The following DNAH14 variants were observed in gnomAD, a reference collection of about 807,000 sequenced individuals.
The protein encoded by DNAH14 is dynein axonemal heavy chain 14.
Under a neutral mutation model 520.9 loss-of-function variants are expected in DNAH14, and 478 were observed. The ratio of observed to expected loss-of-function variants is 0.92; its 90% CI spans 0.85 to 0.99. The LOEUF (loss-of-function observed/expected upper bound fraction) is 0.99. DNAH14 is among the 50% of genes least tolerant of loss of function. The probability of loss-of-function intolerance (pLI) is 0.00; values close to 1 mark genes in which losing one functional copy is unlikely to be tolerated. For synonymous variants in DNAH14, 1,581 were observed against 1,757.2 expected (o/e 0.90, Z 2.51); for missense variants, 4,831 against 5,234.5 (o/e 0.92, Z 2.38).
chr1:225,276,774 G>A (rs1189610677), intron 53 of DNAH14, among the ~76,000 whole-genome samples: 1 of 150,450 alleles, frequency 6.6e-6, no homozygotes, highest in Non-Finnish European at 1.5e-5. Flanking sequence ...TAATTAATCA[G>A]GCATTGTGGT....
At chr1:225,260,245 G>A (rs929170768) in intron 46 of DNAH14, among the ~76,000 whole-genome samples, 48 of 151,948 alleles carry the variant, frequency 3.2e-4, no homozygotes, top group African/African-American at 6.3e-4. Flanking sequence ...CCAGCTACTC[G>A]GAAGACTGAG....
chr1:225,062,302 A>AAGAG (rs891182001), intron 17 of DNAH14, among the ~76,000 whole-genome samples: 1 of 151,158 alleles, frequency 6.6e-6, no homozygotes, highest in South Asian at 2.1e-4. Context: ...GTATCTCAAA[A>AAGAG]AGAGAGAGAG....
At chr1:225,114,201 G>A (rs1455241856) in intron 23 of DNAH14, among the ~76,000 whole-genome samples, 1 of 152,184 alleles carries the variant, frequency 6.6e-6, no homozygotes, top group Non-Finnish European at 1.5e-5. Context: ...GTTAGCAGGT[G>A]ATGAATCCTG....
chr1:225,353,599 T>C (rs2095396074), intron 72 of DNAH14, among the ~76,000 whole-genome samples: 1 of 152,104 alleles, frequency 6.6e-6, no homozygotes, highest in African/African-American at 2.4e-5. Flanking sequence ...CTTAAATCTA[T>C]CTTAACATCT....
intron 27 of DNAH14, among the ~76,000 whole-genome samples, chr1:225,127,074 A>G (rs1220828547): frequency 7.3e-5 from 11 of 151,416 alleles, no homozygotes; most frequent in Non-Finnish European, 1.0e-4. Context: ...TCTGAGAGAC[A>G]GTTTGTTATA....
intron 66 of DNAH14, among the ~76,000 whole-genome samples, chr1:225,335,136 TG>T (rs2094901452): frequency 7.9e-6 from 1 of 127,188 alleles, no homozygotes; most frequent in South Asian, 2.3e-4. Flanking sequence ...CATATGTGCA[TG>T]TGCACATGTG....
chr1:224,944,390 C>T (rs1006802160), intron 1 of DNAH14, among the ~76,000 whole-genome samples: 3 of 152,200 alleles, frequency 2.0e-5, no homozygotes, highest in Non-Finnish European at 4.4e-5. Flanking sequence ...TGTGTCTCTG[C>T]ACGTGAGATG....
chr1:225,023,667 A>G lies in DNAH14; in HGVS notation c.1160A>G (p.Asp387Gly). 2.6e-6 allele frequency: 4 copies of G among 1,548,644 alleles called. No individual in the cohort carries two copies. The highest frequency in any genetic ancestry group is 3.5e-6 in the Non-Finnish European group (4 of 1,145,220). ...KEYFESKLSE[D>G]DTTHFKLPKY... ...TATTTTGAGTCAAAACTCTCTGAAG[A>G]TGACACAACACATTTCAAGCTGCCT... is the stretch of plus-strand genomic sequence containing the variant. Residue 387 changes from aspartate to glycine, a missense_variant, in exon 11 of 86, where the codon GAT (aspartate) becomes GGT (glycine). Physicochemically the swap from Asp to Gly is moderately conservative, Grantham distance 94 (BLOSUM62 -1). Coordinates refer to ENST00000682510, the MANE Select transcript of DNAH14 (RefSeq NM_001367479.1).
In DNAH14 at chr1:225,367,966, T is replaced by C. The variant is rs2095573769; in HGVS notation, c.12252T>C (p.Asn4084=). 1.3e-6 allele frequency: 2 copies of C among 1,551,354 alleles called. No individual in the cohort carries two copies. The highest frequency in any genetic ancestry group is 2.0e-5 in the Admixed American group (1 of 50,966). The change falls in exon 77 of 86, where the codon AAT becomes AAC. Residue 4084 remains asparagine (N), a synonymous_variant. Coordinates refer to ENST00000682510, the MANE Select transcript of DNAH14 (RefSeq NM_001367479.1). ...TATGTTTTTTCAATGCTGTAATCAA[T>C]GAAAGAAAAAATTACGGAATATTGG... is the stretch of plus-strand genomic sequence containing the variant. ...FSLCFFNAVI[N]ERKNYGILGW...
intron 75 of DNAH14, among the ~76,000 whole-genome samples, chr1:225,363,905 C>CAGCA (rs1378165355): frequency 2.0e-5 from 3 of 152,176 alleles, no homozygotes; most frequent in Non-Finnish European, 4.4e-5. Flanking sequence ...TAGTACGAGT[C>CAGCA]AGCAATACCT....
intron 55 of DNAH14, among the ~76,000 whole-genome samples, chr1:225,293,496 A>G (rs2150018815): frequency 6.6e-6 from 1 of 152,280 alleles, no homozygotes; most frequent in South Asian, 2.1e-4. Context: ...AGCCATAAAA[A>G]AAGACCATAT....
chr1:225,269,872 G>T (rs969775695), intron 49 of DNAH14, among the ~76,000 whole-genome samples: 1 of 152,180 alleles, frequency 6.6e-6, no homozygotes, highest in African/African-American at 2.4e-5. Flanking sequence ...TACACTGTTG[G>T]TGGGACGTAA....
intron 8 of DNAH14, among the ~76,000 whole-genome samples, chr1:224,974,921 A>T (rs911919650): frequency 6.6e-6 from 1 of 152,010 alleles, no homozygotes; most frequent in Non-Finnish European, 1.5e-5. Context: ...ATTTATTGAG[A>T]GTTTTTAGCA....
intron 41 of DNAH14, among the ~76,000 whole-genome samples, chr1:225,210,065 C>G (rs2088157926): frequency 6.6e-6 from 1 of 152,188 alleles, no homozygotes; most frequent in East Asian, 1.9e-4. Flanking sequence ...AAGCACGAAA[C>G]TGGGTGGCTA....
At chr1:225,126,975 C>G (rs1010065023) in intron 27 of DNAH14, among the ~76,000 whole-genome samples, 1 of 151,628 alleles carries the variant, frequency 6.6e-6, no homozygotes, top group Non-Finnish European at 1.5e-5. Context: ...ACCCAGTAGT[C>G]ATTCAGGAGC....
chr1:225,007,441 A>G lies in DNAH14; in HGVS notation c.1004A>G (p.Asp335Gly). The change falls in exon 10 of 86, where the codon GAT becomes GGT. Residue 335 changes from aspartate to glycine, a missense_variant. Asp to Gly is a moderately conservative substitution (Grantham distance 94). Coordinates refer to ENST00000682510, the MANE Select transcript of DNAH14 (RefSeq NM_001367479.1). Reference sequence around the variant, plus strand: ...GATAGTTCTCGAACATATTCTCTAGATGAATTTTGTGAAGAGCAGTTACAG... The same window carrying G: ...GATAGTTCTCGAACATATTCTCTAGGTGAATTTTGTGAAGAGCAGTTACAG... ...KLDSSRTYSL[D>G]EFCEEQLQQA... 2 of 1,539,406 alleles carry G rather than the reference A, an allele frequency of 1.3e-6. No individual in the cohort carries two copies. Among genetic ancestry groups the G allele is most frequent in the Admixed American group, 2.0e-5 (1 of 50,028 alleles).
At chr1:224,946,114 C>G (rs2501068) in intron 1 of DNAH14, among the ~76,000 whole-genome samples, 22,978 of 152,168 alleles carry the variant, frequency 0.15, 3,205 homozygotes, top group African/African-American at 0.36. Context: ...AGGCAGGCAG[C>G]CCTCTTTGAG....
chr1:225,322,531 G>A, intron 61 of DNAH14, 133 bp from the exon 62 acceptor site: 2 of 806,880 alleles, frequency 2.5e-6, no homozygotes, highest in Non-Finnish European at 3.6e-6. Context: ...TAATTAAATA[G>A]CTATATGTTG....
intron 28 of DNAH14, among the ~76,000 whole-genome samples, chr1:225,142,624 C>T (rs149322871): frequency 3.5e-4 from 54 of 152,272 alleles, no homozygotes; most frequent in African/African-American, 1.2e-3. Context: ...CATTAAGTAA[C>T]TGGCTATTTA....
Sources: gnomAD v4.1 joint callset for allele counts (sites outside exome capture counted in the v4.1 genomes callset) on GRCh38, gnomAD v4.1.1 for gene constraint, MANE v1.5 for transcripts, NCBI Gene and HGNC (gene_info 2026-07-23, HGNC 2026-07-21) for gene names.